FAM53B: variants seen among roughly 807,000 people sequenced by gnomAD.
FAM53B encodes the protein family with sequence similarity 53 member B, also known as protein FAM53B.
Under a neutral mutation model 32.7 loss-of-function variants are expected in FAM53B, and 12 were observed. The ratio of observed to expected loss-of-function variants is 0.37; its 90% confidence interval spans 0.24 to 0.59. The LOEUF is 0.59. Among genes scored for constraint, FAM53B ranks in the 20% least tolerant of loss-of-function variants. FAM53B has a pLI of 0.72. For missense variants in FAM53B, 477 were observed against 577.7 expected (o/e 0.83, Z 1.79); for synonymous variants, 234 against 228.7 (o/e 1.02, Z -0.21).
At chr10:124,626,863 C>T (rs762234453) in intron 4 of FAM53B, among the ~76,000 whole-genome samples, 1 of 152,208 alleles carries the variant, frequency 6.6e-6, no homozygotes, top group Non-Finnish European at 1.5e-5. Context: ...GCAACTCTTC[C>T]ACCTCTGGGC....
intron 1 of FAM53B, among the ~76,000 whole-genome samples, chr10:124,720,180 CA>C (rs1410742587): frequency 7.2e-6 from 1 of 139,802 alleles, no homozygotes; most frequent in East Asian, 2.1e-4. Context: ...AAAAAAAAAA[CA>C]AACAAACCAC....
intron 4 of FAM53B, among the ~76,000 whole-genome samples, chr10:124,639,850 G>A (rs1347745974): frequency 2.6e-5 from 4 of 151,992 alleles, no homozygotes; most frequent in Admixed American, 1.3e-4. Context: ...CATCATCCAG[G>A]CACAAGGGAC....
chr10:124,681,982 G>A lies in FAM53B; in HGVS notation c.531C>T (p.Leu177=). 6.2e-7 allele frequency: 1 copy of A among 1,614,096 alleles called. No individual in the cohort carries two copies. Among genetic ancestry groups the A allele is most frequent in the Non-Finnish European group, 8.5e-7 (1 of 1,180,022 alleles). The change falls in exon 4 of 5, where the codon CTC becomes CTT. Residue 177 remains leucine (L), a synonymous_variant. Coordinates refer to ENST00000337318, the MANE Select transcript of FAM53B (RefSeq NM_014661.4). ...SFSLPSRANV[L]SSPCDQAGLH... is the part of the protein sequence containing the mutation. ...GTCCTGCCTGGTCGCAGGGTGAGGA[G>A]AGCACGTTGGCCCGGGAAGGGAGGC... is the stretch of plus-strand genomic sequence containing the variant.
chr10:124,665,536 C>T (rs1347448199), intron 4 of FAM53B, among the ~76,000 whole-genome samples: 1 of 152,268 alleles, frequency 6.6e-6, no homozygotes, highest in African/African-American at 2.4e-5. Flanking sequence ...CTTCCTACTC[C>T]TGGCTTCCTA....
chr10:124,719,082 C>T (rs1950053220), intron 1 of FAM53B, among the ~76,000 whole-genome samples: 1 of 151,884 alleles, frequency 6.6e-6, no homozygotes, highest in African/African-American at 2.4e-5. Flanking sequence ...AGGAAGAAGA[C>T]GAAGAAAGGC....
chr10:124,657,415 G>A (rs1169349609), intron 4 of FAM53B, among the ~76,000 whole-genome samples: 2 of 152,066 alleles, frequency 1.3e-5, no homozygotes, highest in Admixed American at 1.3e-4. Context: ...ATGGACTCCT[G>A]GGGCTAGAAA....
intron 1 of FAM53B, among the ~76,000 whole-genome samples, chr10:124,720,176 A>AC (rs1950060709): frequency 6.6e-6 from 1 of 151,898 alleles, no homozygotes; most frequent in African/African-American, 2.4e-5. Flanking sequence ...AAAAAAAAAA[A>AC]AAACAAACAA....
chr10:124,639,468 C>T (rs146571611), intron 4 of FAM53B, among the ~76,000 whole-genome samples: 8 of 152,238 alleles, frequency 5.3e-5, no homozygotes, highest in Non-Finnish European at 5.9e-5. Context: ...GTGGGCATCA[C>T]GAGGCAGACC....
At chr10:124,735,762 G>C (rs932922932) in intron 1 of FAM53B, among the ~76,000 whole-genome samples, 2 of 138,536 alleles carry the variant, frequency 1.4e-5, no homozygotes, top group African/African-American at 2.7e-5. Flanking sequence ...CTCACTCAGG[G>C]CCCCGAACCT....
chr10:124,675,607 G>C (rs1222166404), intron 4 of FAM53B, among the ~76,000 whole-genome samples: 1 of 152,208 alleles, frequency 6.6e-6, no homozygotes, highest in Non-Finnish European at 1.5e-5. Flanking sequence ...ATGAGGCCTG[G>C]GGCACACAGC....
At chr10:124,723,250 A>C (rs1950080633) in intron 1 of FAM53B, among the ~76,000 whole-genome samples, 1 of 152,228 alleles carries the variant, frequency 6.6e-6, no homozygotes, top group Non-Finnish European at 1.5e-5. Flanking sequence ...CTGCTCAGGA[A>C]ATGTCTGCTG....
intron 3 of FAM53B, among the ~76,000 whole-genome samples, chr10:124,693,437 T>C (rs1393129108): frequency 6.8e-6 from 1 of 146,722 alleles, no homozygotes; most frequent in Non-Finnish European, 1.5e-5. Flanking sequence ...ACCACTGCCC[T>C]CCAGCCTGGC....
intron 2 of FAM53B, among the ~76,000 whole-genome samples, chr10:124,702,717 G>A (rs1949923323): frequency 6.6e-6 from 1 of 152,180 alleles, no homozygotes; most frequent in Non-Finnish European, 1.5e-5. Context: ...ACAGGGAGGA[G>A]GTACCTGGAC....
Position 124,682,225 on chromosome 10 carries a change from G to A in FAM53B, c.288C>T (p.Leu96=), listed in dbSNP as rs765777574. The A allele has an allele frequency of 1.9e-6, 3 of 1,613,944 alleles. No individual in the cohort carries two copies. The highest frequency in any genetic ancestry group is 1.7e-5 in the Admixed American group (1 of 59,990). ...ACAVTSLIKD[L]SISDHNGNPS... ...GGTTCCCGTTGTGGTCGCTGATGCT[G>A]AGGTCTTTGATCAGACTGGTCACAG... is the stretch of plus-strand genomic sequence containing the variant. Residue 96 remains leucine (L), a synonymous_variant, in exon 4 of 5, where the codon CTC becomes CTT. Transcript: ENST00000337318. This position sits in a 1 kb window ranked among gnomAD's most constrained non-coding sequence, Gnocchi z 5.2.
chr10:124,626,532 G>A (rs965287582), intron 4 of FAM53B, among the ~76,000 whole-genome samples: 2 of 152,156 alleles, frequency 1.3e-5, no homozygotes, highest in African/African-American at 4.8e-5. Context: ...AGACAAGGAT[G>A]TGAGAAAGTG....
intron 4 of FAM53B, among the ~76,000 whole-genome samples, chr10:124,674,023 T>C (rs1949722462): frequency 1.3e-5 from 2 of 152,190 alleles, no homozygotes; most frequent in African/African-American, 4.8e-5. Flanking sequence ...CAACAGCAGC[T>C]GTGTTCCAAC....
intron 4 of FAM53B, among the ~76,000 whole-genome samples, chr10:124,626,243 T>TG (rs1186121405): frequency 6.6e-6 from 1 of 152,238 alleles, no homozygotes; most frequent in Non-Finnish European, 1.5e-5. Flanking sequence ...GCACAGCGCT[T>TG]GTCTGTGCTC....
chr10:124,705,192 G>C (rs1293593548), intron 2 of FAM53B, among the ~76,000 whole-genome samples: 1 of 152,220 alleles, frequency 6.6e-6, no homozygotes, highest in Non-Finnish European at 1.5e-5. Flanking sequence ...GTCACATCTG[G>C]TAAGGGCTGA....
chr10:124,726,482 C>T (rs897882299), intron 1 of FAM53B, among the ~76,000 whole-genome samples: 1 of 152,156 alleles, frequency 6.6e-6, no homozygotes, highest in Non-Finnish European at 1.5e-5. Context: ...GAGAAAGAGG[C>T]AGATGAGGAT....
Sources: allele counts gnomAD v4.1 joint callset (sites outside exome capture counted in the v4.1 genomes callset), GRCh38; gene constraint gnomAD v4.1.1; non-coding constraint Gnocchi (gnomAD v3.1); transcripts MANE v1.5; gene names NCBI Gene and HGNC (gene_info 2026-07-23, HGNC 2026-07-21).